The following UBE2F variants were observed in gnomAD, a reference collection of about 807,000 sequenced individuals.
The protein encoded by UBE2F is ubiquitin conjugating enzyme E2 F (putative).
UBE2F carries 5 observed loss-of-function variants against 29.6 expected under a neutral mutation model. That is an observed-to-expected ratio of 0.17 (90% CI 0.09 to 0.36). The LOEUF is 0.36. Among genes scored for constraint, UBE2F ranks in the 10% least tolerant of loss-of-function variants. UBE2F has a pLI of 1.00. For missense variants in UBE2F, 141 were observed against 228.5 expected, an observed-to-expected ratio of 0.62 and a Z score of 2.47; for synonymous variants, 66 against 81.8, an observed-to-expected ratio of 0.81 and a Z score of 1.04.
At position 237,967,212 on chromosome 2, in the gene UBE2F, G is replaced by T; in HGVS notation, c.-17+80G>T. 1.0e-6 allele frequency: 1 copy of T among 974,970 alleles called. No individual in the cohort carries two copies. The highest frequency in any genetic ancestry group is 4.6e-5 in the South Asian group (1 of 21,592). The allele number at this position is 974,970 out of a possible 1,614,324, so 60.4% of individuals were successfully genotyped here. A position where few individuals can be genotyped will look rare whatever the true frequency, so the allele number is the denominator to read the frequency against. ...GGGCTGGCCTGCGGGCCGGGCGGAG[G>T]GCGCGGGCGGTGGCGGGGCCGCCTC... On this transcript the variant is annotated intron_variant, in intron 1 of 9. Transcript: ENST00000272930. This position sits in a 1 kb window ranked among gnomAD's most constrained non-coding sequence, Gnocchi z 6.3.
chr2:237,997,653 CTGGGGGT>C lies in UBE2F; in HGVS notation c.214+2846_214+2852del, dbSNP rs1247764260. Reference sequence around the variant, plus strand: ...CTGAAAACTCACTAATATCTATGATCTGGGGGTTAGAATGGTCAAGAGTGGAAGAATT... The same window carrying C: ...CTGAAAACTCACTAATATCTATGATCTAGAATGGTCAAGAGTGGAAGAATT... On this transcript the variant is annotated intron_variant, in intron 4 of 9. Coordinates refer to ENST00000272930, the MANE Select transcript of UBE2F (RefSeq NM_080678.3). 5.9e-5 allele frequency among the ~76,000 whole-genome samples: 9 copies of C among 152,196 alleles called. No homozygotes were observed. The East Asian group carries it at 1.5e-3, about 26-fold the overall frequency.
At chr2:238,021,927 C>G (rs778756425) in intron 5 of UBE2F, among the ~76,000 whole-genome samples, 2 of 152,158 alleles carry the variant, frequency 1.3e-5, no homozygotes, top group Non-Finnish European at 2.9e-5. Context: ...GGATCAGTTC[C>G]TAGACATGGC....
chr2:237,967,211 G>A lies in UBE2F; in HGVS notation c.-17+79G>A. On this transcript the variant is annotated intron_variant, in intron 1 of 9. Coordinates refer to ENST00000272930, the MANE Select transcript of UBE2F (RefSeq NM_080678.3). The surrounding 1 kb of genome is among the most constrained non-coding windows in gnomAD (Gnocchi z 6.3). ...CGGGCTGGCCTGCGGGCCGGGCGGA[G>A]GGCGCGGGCGGTGGCGGGGCCGCCT... 2 of 974,574 alleles carry A rather than the reference G, an allele frequency of 2.1e-6. No homozygotes were observed. Among genetic ancestry groups the A allele is most frequent in the South Asian group, 4.6e-5 (1 of 21,582 alleles). 60.4% of individuals were successfully genotyped at this position (974,574 alleles called of 1,614,324 possible).
At chr2:238,016,816 A>C (rs1184847911) in intron 5 of UBE2F, among the ~76,000 whole-genome samples, 183 bp downstream of exon 5, 1 of 39,064 alleles carries the variant, frequency 2.6e-5, no homozygotes, top group African/African-American at 1.2e-4. Flanking sequence ...GTTAGTAGAG[A>C]ATTCCGTTTA....
chr2:237,991,439 G>A (rs1289583730), intron 3 of UBE2F, among the ~76,000 whole-genome samples: 1 of 151,910 alleles, frequency 6.6e-6, no homozygotes, highest in Non-Finnish European at 1.5e-5. Context: ...CGGTTTCTCT[G>A]CAAAAAAATT....
chr2:237,969,272 G>A (rs115164308), intron 1 of UBE2F, among the ~76,000 whole-genome samples: 2,429 of 152,020 alleles, frequency 0.016, 73 homozygotes, highest in East Asian at 0.12. Context: ...GTGATTGGGG[G>A]TATAAAAGCG....
chr2:237,973,550 C>A, intron 2 of UBE2F: 1 of 652,058 alleles, frequency 1.5e-6, no homozygotes, highest in Non-Finnish European at 2.4e-6. Flanking sequence ...CTGCCATTAT[C>A]TTCCTTTCTT....
intron 2 of UBE2F, among the ~76,000 whole-genome samples, chr2:237,978,392 C>T (rs964047025): frequency 1.8e-4 from 27 of 152,156 alleles, no homozygotes; most frequent in African/African-American, 3.4e-4. Flanking sequence ...GGGAGGGGTG[C>T]GAGGAAGGGC....
chr2:238,008,554 T>C (rs897275306), intron 4 of UBE2F, among the ~76,000 whole-genome samples: 2 of 152,228 alleles, frequency 1.3e-5, no homozygotes, highest in Non-Finnish European at 2.9e-5. Context: ...TTTTTGTCTT[T>C]TTCTCTTGAT....
chr2:237,973,517 A>G, intron 2 of UBE2F: 1 of 524,218 alleles, frequency 1.9e-6, no homozygotes, highest in Admixed American at 3.5e-5. Flanking sequence ...GAGAGTCAGC[A>G]AAGCCTAAGA....
chr2:237,991,388 A>T (rs1187695068), intron 3 of UBE2F, among the ~76,000 whole-genome samples: 1 of 152,166 alleles, frequency 6.6e-6, no homozygotes, highest in Admixed American at 6.5e-5. Context: ...CTTAGTAACT[A>T]TTCGGAACTA....
chr2:238,030,445 G>A (rs1418929320), intron 6 of UBE2F, 111 bp from the exon 7 acceptor site: 12 of 728,604 alleles, frequency 1.6e-5, no homozygotes, highest in Non-Finnish European at 2.6e-5. Flanking sequence ...GAAAAGATGG[G>A]TTTAATAAAA....
Position 238,040,206 on chromosome 2 carries a change from CAGG to C in UBE2F, c.508-1078_508-1076del, listed in dbSNP as rs2064809166. Among the ~76,000 whole-genome samples the C allele has an allele frequency of 6.6e-6, 1 of 152,198 alleles. No individual in the cohort carries two copies. Among genetic ancestry groups the C allele is most frequent in the Non-Finnish European group, 1.5e-5 (1 of 68,044 alleles). On this transcript the variant is annotated intron_variant, in intron 9 of 9. Transcript: ENST00000272930. The surrounding 1 kb of genome is among the most constrained non-coding windows in gnomAD (Gnocchi z 4.4). ...GTCGCTGTGCTAACTAAAAGTGTGG[CAGG>C]AGGGCAGGCACCTGGTGCCCAGCTG...
At chr2:238,025,502 T>G (rs906723076) in intron 6 of UBE2F, 90 bp downstream of exon 6, 21 of 1,234,938 alleles carry the variant, frequency 1.7e-5, no homozygotes, top group Non-Finnish European at 2.1e-5. Context: ...CTGAAAAGAT[T>G]TTGAGGCATG....
chr2:238,005,711 A>G (rs2063888899), intron 4 of UBE2F, among the ~76,000 whole-genome samples: 1 of 151,724 alleles, frequency 6.6e-6, no homozygotes, highest in Admixed American at 6.6e-5. Flanking sequence ...TTACATGACT[A>G]TATGTGTGTG....
intron 6 of UBE2F, among the ~76,000 whole-genome samples, chr2:238,030,148 C>T (rs1179500564): frequency 6.6e-6 from 1 of 152,022 alleles, no homozygotes; most frequent in Non-Finnish European, 1.5e-5. Context: ...AGGCTGGTCT[C>T]AAACTCCTGG....
chr2:238,035,257 A>C (rs1383406726), intron 8 of UBE2F: 2 of 152,904 alleles, frequency 1.3e-5, no homozygotes, highest in Non-Finnish European at 2.9e-5. Context: ...GCTTTGGTCC[A>C]AAGTCCAGAG....
At chr2:238,013,130 C>T (rs570770959) in intron 4 of UBE2F, among the ~76,000 whole-genome samples, 35 of 152,114 alleles carry the variant, frequency 2.3e-4, no homozygotes, top group South Asian at 6.2e-4. Context: ...ACTAGCTGGG[C>T]GTGGTGGCAC....
chr2:237,994,660 A>G (rs1383683962), intron 3 of UBE2F, 84 bp from the exon 4 acceptor site: 2 of 1,091,852 alleles, frequency 1.8e-6, no homozygotes, highest in Non-Finnish European at 2.8e-6. Context: ...AGCACCGCTA[A>G]CTTTACACGT....
Sources: gnomAD v4.1 joint callset for allele counts (sites outside exome capture counted in the v4.1 genomes callset) on GRCh38, gnomAD v4.1.1 for gene constraint, Gnocchi (gnomAD v3.1) non-coding constraint, MANE v1.5 for transcripts, NCBI Gene and HGNC (gene_info 2026-07-23, HGNC 2026-07-21) for gene names.